Variants in EYS observed in about 807,000 individuals in gnomAD.
EYS encodes EGF-like photoreceptor maintenance factor, also known as protein eyes shut homolog.
In EYS, 250 loss-of-function variants were observed where a neutral mutation model predicts 282.1. The observed-to-expected ratio is 0.89, with a 90% CI of 0.80 to 0.98. The LOEUF (loss-of-function observed/expected upper bound fraction) is 0.98, where lower values mean the gene tolerates loss of function less well. Ranked by LOEUF, EYS falls within the 50% of genes least tolerant of loss-of-function variation. The probability of loss-of-function intolerance (pLI) is 0.00; values close to 1 mark genes in which losing one functional copy is unlikely to be tolerated. For synonymous variants in EYS, 1,355 were observed against 1,282.9 expected (o/e 1.06, Z -1.20); for missense variants, 4,016 against 3,709.0 (o/e 1.08, Z -2.15).
intron 10 of EYS, among the ~76,000 whole-genome samples, chr6:65,340,721 C>CT (rs910411881): frequency 2.0e-5 from 3 of 151,212 alleles, no homozygotes; most frequent in African/African-American, 7.3e-5. Context: ...ATCTGATGCA[C>CT]TACTAAGACT....
At chr6:65,123,199 C>T (rs1477439162) in intron 12 of EYS, among the ~76,000 whole-genome samples, 1 of 151,906 alleles carries the variant, frequency 6.6e-6, no homozygotes, top group African/African-American at 2.4e-5. Context: ...ATTTGTTCAC[C>T]CTAATGTTGT....
chr6:64,497,297 T>C (rs1776919527), intron 26 of EYS, among the ~76,000 whole-genome samples: 1 of 152,180 alleles, frequency 6.6e-6, no homozygotes, highest in African/African-American at 2.4e-5. Flanking sequence ...CTGTAATCTT[T>C]GCTCAAGCCA....
At chr6:64,662,202 G>C (rs1769055304) in intron 22 of EYS, among the ~76,000 whole-genome samples, 2 of 128,778 alleles carry the variant, frequency 1.6e-5, no homozygotes, top group Admixed American at 1.8e-4. Flanking sequence ...ATGGACACAG[G>C]AAGGGGAACA....
In EYS at chr6:64,728,546, A is replaced by G. The variant is rs149100445; in HGVS notation, c.3443+84832T>C. Among the ~76,000 whole-genome samples the G allele has an allele frequency of 3.2e-3, 489 of 152,222 alleles. 2 individuals carry two copies. The highest frequency in any genetic ancestry group is 0.014 in the East Asian group (71 of 5,138). ...GAGGTGGGGTTTCACCGCATTATCC[A>G]GGATGGTCTCTATCTCCTGACCTCG... On this transcript the variant is annotated intron_variant, in intron 22 of 42. Transcript: ENST00000503581.
chr6:64,377,084 A>AATAGATAGATAG (rs745336445), intron 29 of EYS, among the ~76,000 whole-genome samples: 4,750 of 151,978 alleles, frequency 0.031, 230 homozygotes, highest in African/African-American at 0.11. Context: ...TAGCTGGATG[A>AATAGATAGATAG]ATAGATAGAT....
chr6:65,142,153 T>C (rs1382695021), intron 12 of EYS, among the ~76,000 whole-genome samples: 1 of 152,042 alleles, frequency 6.6e-6, no homozygotes, highest in African/African-American at 2.4e-5. Context: ...GTAATTATTT[T>C]ATAGTATATA....
chr6:64,145,532 C>T (rs867550892), intron 31 of EYS, among the ~76,000 whole-genome samples: 5 of 152,126 alleles, frequency 3.3e-5, no homozygotes, highest in African/African-American at 9.7e-5. Context: ...GTTTCACACC[C>T]ATATATGAAA....
intron 15 of EYS, among the ~76,000 whole-genome samples, chr6:64,941,952 T>G (rs968727706): frequency 3.3e-5 from 5 of 152,090 alleles, no homozygotes; most frequent in African/African-American, 1.2e-4. Context: ...GTAGAATGAT[T>G]TATTTACTTT....
chr6:64,105,395 C>A (rs944935188), intron 31 of EYS, among the ~76,000 whole-genome samples: 13 of 152,080 alleles, frequency 8.5e-5, no homozygotes, highest in Non-Finnish European at 4.4e-5. Flanking sequence ...ACAACCTTCT[C>A]CACTAATGAC....
At chr6:65,269,477 G>C (rs191242859) in intron 12 of EYS, among the ~76,000 whole-genome samples, 40 of 152,264 alleles carry the variant, frequency 2.6e-4, no homozygotes, top group Non-Finnish European at 5.9e-5. Context: ...AGTCTTATAA[G>C]ACTTGGTAGT....
Position 64,245,498 on chromosome 6 carries a change from C to T in EYS, c.6192-14674G>A, listed in dbSNP as rs76020577. ...CCTGGCTTATACTCCGTTTTTATGG[C>T]ATCCTTTTTCTTATATCTACTTTAA... On this transcript the variant is annotated intron_variant, in intron 30 of 42. Coordinates refer to ENST00000503581, the MANE Select transcript of EYS (RefSeq NM_001142800.2). Among the ~76,000 whole-genome samples, 3 of 149,320 alleles carry T rather than the reference C, an allele frequency of 2.0e-5. No homozygotes were observed. The East Asian group carries it at 5.8e-4, about 29-fold the overall frequency.
At chr6:64,991,363 G>A (rs1242633304) in intron 14 of EYS, among the ~76,000 whole-genome samples, 1 of 151,472 alleles carries the variant, frequency 6.6e-6, no homozygotes, top group African/African-American at 2.4e-5. Context: ...TTTAACAATA[G>A]GTTTTGAAGT....
chr6:64,334,264 C>G (rs1770757012), intron 29 of EYS, among the ~76,000 whole-genome samples: 1 of 152,104 alleles, frequency 6.6e-6, no homozygotes, highest in African/African-American at 2.4e-5. Flanking sequence ...AAAGGCTTAT[C>G]AATTACTACC....
rs374332682 is a variant in EYS, at chr6:65,589,484, G to A, written c.-333+50294C>T. 5.3e-5 allele frequency among the ~76,000 whole-genome samples: 8 copies of A among 151,786 alleles called. No individual in the cohort carries two copies. In the East Asian group the frequency reaches 1.4e-3, roughly 26 times the overall value. On this transcript the variant is annotated intron_variant, in intron 2 of 42. Transcript: ENST00000503581. ...CACACCCACTTAAGTACACACACTT[G>A]TACACACACTCACTACCTCTCTAGG...
intron 26 of EYS, among the ~76,000 whole-genome samples, chr6:64,478,517 G>A (rs1407135001): frequency 6.6e-6 from 1 of 151,202 alleles, no homozygotes; most frequent in African/African-American, 2.4e-5. Context: ...AATATTAAAT[G>A]ATCCATTTGT....
chr6:64,684,132 A>C (rs1435837277), intron 22 of EYS, among the ~76,000 whole-genome samples: 2 of 152,198 alleles, frequency 1.3e-5, no homozygotes, highest in Non-Finnish European at 2.9e-5. Context: ...TCTTAAAAGC[A>C]ATACAATATC....
chr6:64,327,226 T>C (rs1318054984), intron 29 of EYS, among the ~76,000 whole-genome samples: 1 of 151,808 alleles, frequency 6.6e-6, no homozygotes, highest in Non-Finnish European at 1.5e-5. Context: ...CAGCTAGCTG[T>C]GACAGGAATT....
intron 26 of EYS, among the ~76,000 whole-genome samples, chr6:64,551,984 G>T (rs1450068995): frequency 6.6e-6 from 1 of 152,094 alleles, no homozygotes; most frequent in Admixed American, 6.5e-5. Flanking sequence ...TGGGCAGGCT[G>T]GTCTCAAACT....
At chr6:64,988,042 G>A (rs1770922114) in intron 14 of EYS, among the ~76,000 whole-genome samples, 1 of 151,176 alleles carries the variant, frequency 6.6e-6, no homozygotes, top group African/African-American at 2.4e-5. Flanking sequence ...TTTTGTTTCA[G>A]GCTTTTTTAA....
Sources: gnomAD v4.1 joint callset for allele counts (sites outside exome capture counted in the v4.1 genomes callset) on GRCh38, gnomAD v4.1.1 for gene constraint, MANE v1.5 for transcripts, NCBI Gene and HGNC (gene_info 2026-07-23, HGNC 2026-07-21) for gene names.